The following FNIP1 variants were observed in gnomAD, a reference collection of about 807,000 sequenced individuals.
FNIP1 encodes the protein folliculin-interacting protein 1.
FNIP1 carries 40 observed loss-of-function variants against 124.5 expected under a neutral mutation model. That is an observed-to-expected ratio of 0.32 (90% CI 0.25 to 0.42). The LOEUF (loss-of-function observed/expected upper bound fraction) is 0.42. FNIP1 is among the 10% of genes least tolerant of loss of function. FNIP1 has a pLI of 1.00. For synonymous variants in FNIP1, 472 were observed against 470.6 expected, an observed-to-expected ratio of 1.00 and a Z score of -0.04; for missense variants, 1,176 against 1,403.7, an observed-to-expected ratio of 0.84 and a Z score of 2.59.
At chr5:131,702,177 A>C (rs1232126085) in intron 10 of FNIP1, among the ~76,000 whole-genome samples, 1 of 152,128 alleles carries the variant, frequency 6.6e-6, no homozygotes, top group Non-Finnish European at 1.5e-5. Flanking sequence ...GTATGTGACA[A>C]TGATGTTTTT....
At chr5:131,698,268 C>A (rs983721488) in intron 11 of FNIP1, among the ~76,000 whole-genome samples, 61 of 152,144 alleles carry the variant, frequency 4.0e-4, no homozygotes, top group African/African-American at 1.5e-3. Context: ...TCTCTCTAGT[C>A]TAAAGGAGGA....
At chr5:131,782,289 C>T (rs780001763) in intron 1 of FNIP1, among the ~76,000 whole-genome samples, 82 of 152,204 alleles carry the variant, frequency 5.4e-4, no homozygotes, top group Middle Eastern at 3.4e-3. Context: ...TGGCTCACAC[C>T]TGTAATCCCA....
At chr5:131,709,912 G>A (rs1046641436) in intron 7 of FNIP1, among the ~76,000 whole-genome samples, 1 of 152,166 alleles carries the variant, frequency 6.6e-6, no homozygotes, top group Non-Finnish European at 1.5e-5. Context: ...ACAATGAAGA[G>A]TAAATGTGTT....
intron 15 of FNIP1, among the ~76,000 whole-genome samples, chr5:131,667,374 A>G (rs1329515416): frequency 1.3e-5 from 2 of 152,236 alleles, no homozygotes; most frequent in African/African-American, 2.4e-5. Context: ...ACAAGTTCTG[A>G]TAAGTTTTTC....
chr5:131,693,402 C>T (rs797008140), intron 11 of FNIP1, among the ~76,000 whole-genome samples: 10 of 127,770 alleles, frequency 7.8e-5, no homozygotes, highest in South Asian at 4.9e-4. Context: ...TAGAACAGAA[C>T]AGGGAGCCCC....
At chr5:131,651,010 G>A (rs1004816439) in intron 16 of FNIP1, among the ~76,000 whole-genome samples, 3 of 151,904 alleles carry the variant, frequency 2.0e-5, no homozygotes, top group African/African-American at 7.3e-5. Context: ...GCTGAAATCA[G>A]AACATACAGA....
intron 11 of FNIP1, among the ~76,000 whole-genome samples, chr5:131,684,218 G>A (rs552928903): frequency 1.2e-3 from 182 of 152,318 alleles, no homozygotes; most frequent in African/African-American, 4.3e-3. Context: ...AGAAGGCAAA[G>A]CATTAGACCT....
At chr5:131,695,505 G>A (rs1032049848) in intron 11 of FNIP1, among the ~76,000 whole-genome samples, 1 of 152,150 alleles carries the variant, frequency 6.6e-6, no homozygotes, top group African/African-American at 2.4e-5. Flanking sequence ...TGCAGGTCTA[G>A]CTCTTCAGAC....
chr5:131,744,277 C>T (rs1050208862), intron 2 of FNIP1, among the ~76,000 whole-genome samples: 3 of 152,068 alleles, frequency 2.0e-5, no homozygotes, highest in Non-Finnish European at 2.9e-5. Flanking sequence ...TTCTGCTGAG[C>T]TGTTGTCAGC....
chr5:131,658,328 A>T (rs1182641175), intron 15 of FNIP1, among the ~76,000 whole-genome samples: 1 of 152,228 alleles, frequency 6.6e-6, no homozygotes, highest in African/African-American at 2.4e-5. Context: ...TGAGAACATT[A>T]TAACAGTGAA....
At chr5:131,736,028 A>G (rs1028234158) in intron 2 of FNIP1, among the ~76,000 whole-genome samples, 3 of 152,122 alleles carry the variant, frequency 2.0e-5, no homozygotes, top group Non-Finnish European at 4.4e-5. Flanking sequence ...TGGCCTCCCA[A>G]AGTAATCCCT....
chr5:131,719,234 T>C, intron 4 of FNIP1, 83 bp downstream of exon 4: 1 of 1,276,608 alleles, frequency 7.8e-7, no homozygotes, highest in South Asian at 1.3e-5. Flanking sequence ...TCAATCTGAG[T>C]GAAGATCATA....
chr5:131,742,663 C>T (rs1019980971), intron 2 of FNIP1, among the ~76,000 whole-genome samples: 1 of 152,222 alleles, frequency 6.6e-6, no homozygotes, highest in Admixed American at 6.5e-5. Flanking sequence ...TGTACAAATA[C>T]AGCAAAGCTG....
chr5:131,653,744 T>C (rs902323899), intron 15 of FNIP1, among the ~76,000 whole-genome samples: 2 of 152,202 alleles, frequency 1.3e-5, no homozygotes, highest in Non-Finnish European at 2.9e-5. Flanking sequence ...TTTTAAATTT[T>C]TATTTATTTT....
chr5:131,646,589 C>T (rs1054864268), intron 17 of FNIP1, among the ~76,000 whole-genome samples: 6 of 152,058 alleles, frequency 3.9e-5, no homozygotes, highest in East Asian at 1.9e-4. Context: ...TATATTATGC[C>T]CCCCCTACCA....
At chr5:131,720,828 G>C (rs1580783639) in intron 3 of FNIP1, among the ~76,000 whole-genome samples, 1 of 152,048 alleles carries the variant, frequency 6.6e-6, no homozygotes, top group South Asian at 2.1e-4. Flanking sequence ...AAAAAGCAAA[G>C]ACAACAAGTG....
chr5:131,688,664 G>C (rs1768366672), intron 11 of FNIP1, among the ~76,000 whole-genome samples: 1 of 144,360 alleles, frequency 6.9e-6, no homozygotes, highest in African/African-American at 2.5e-5. Flanking sequence ...CAGCGAGATG[G>C]AAAGTCATTT....
rs192265769 is a variant in FNIP1, at chr5:131,753,848, T to C, written c.93-9158A>G. On this transcript the variant is annotated intron_variant, in intron 1 of 17. Transcript: ENST00000510461. ...TTTTTTTTTTGAGACAGAGTCTCGC[T>C]CTGTCACCAGGCTGGAGTGCGGTAG... Among the ~76,000 whole-genome samples the C allele has an allele frequency of 4.8e-3, 736 of 151,806 alleles. 5 individuals carry two copies. Among genetic ancestry groups the C allele is most frequent in the African/African-American group, 0.017 (696 of 41,372 alleles).
chr5:131,792,499 G>A (rs1182169201), intron 1 of FNIP1, among the ~76,000 whole-genome samples: 1 of 152,184 alleles, frequency 6.6e-6, no homozygotes, highest in African/African-American at 2.4e-5. Context: ...ATTGAGGGTA[G>A]TTTGGAAAAA....
Sources: gnomAD v4.1 joint callset for allele counts (sites outside exome capture counted in the v4.1 genomes callset) on GRCh38, gnomAD v4.1.1 for gene constraint, MANE v1.5 for transcripts, NCBI Gene and HGNC (gene_info 2026-07-23, HGNC 2026-07-21) for gene names.